ATP10B: variants seen among roughly 807,000 people sequenced by gnomAD.
ATP10B encodes ATPase phospholipid transporting 10B (putative).
A neutral mutation model predicts 141.2 loss-of-function variants in ATP10B; 122 were observed. The ratio of observed to expected loss-of-function variants is 0.86; its 90% CI spans 0.75 to 1.00. The LOEUF (loss-of-function observed/expected upper bound fraction) is 1.00. ATP10B is among the 50% of genes least tolerant of loss of function. The probability of loss-of-function intolerance (pLI) is 0.00; values close to 1 mark genes in which losing one functional copy is unlikely to be tolerated. For synonymous variants in ATP10B, 685 were observed against 692.0 expected, an observed-to-expected ratio of 0.99 and a Z score of 0.16; for missense variants, 1,876 against 1,825.3, an observed-to-expected ratio of 1.03 and a Z score of -0.51.
chr5:160,736,220 C>T (rs114484953), intron 2 of ATP10B, among the ~76,000 whole-genome samples: 1,611 of 151,998 alleles, frequency 0.011, 30 homozygotes, highest in African/African-American at 0.037. Context: ...ATGGAAAAAC[C>T]TTTAGCCAGA....
At chr5:160,902,396 T>C in the ATP10B span, among the ~76,000 whole-genome samples, 1 of 152,132 alleles carries the variant, frequency 6.6e-6, no homozygotes, top group Non-Finnish European at 1.5e-5. Flanking sequence ...AGAAACAAAC[T>C]CACTACTTTC....
chr5:160,702,124 A>G (rs913780623), intron 3 of ATP10B, among the ~76,000 whole-genome samples: 16 of 152,236 alleles, frequency 1.1e-4, no homozygotes, highest in African/African-American at 3.1e-4. Flanking sequence ...AGGTACAATG[A>G]CTGACAGACA....
At chr5:160,609,623 C>T (rs763476368) in intron 18 of ATP10B, among the ~76,000 whole-genome samples, 3 of 152,226 alleles carry the variant, frequency 2.0e-5, no homozygotes, top group Non-Finnish European at 4.4e-5. Context: ...AAGTGATCCA[C>T]GTGCCTTGGC....
At chr5:160,871,923 G>C in the ATP10B span, among the ~76,000 whole-genome samples, 3 of 152,102 alleles carry the variant, frequency 2.0e-5, no homozygotes, top group Admixed American at 2.0e-4. Context: ...CAGTGGGATT[G>C]CTGGGTCAAA....
At chr5:160,876,750 C>G in the ATP10B span, among the ~76,000 whole-genome samples, 14 of 151,164 alleles carry the variant, frequency 9.3e-5, no homozygotes, top group African/African-American at 1.9e-4. Context: ...GAGAATACTA[C>G]AAACACCTCT....
At chr5:160,649,301 T>C (rs1415641595) in intron 7 of ATP10B, 45 bp from the exon 8 acceptor site, 2 of 1,359,990 alleles carry the variant, frequency 1.5e-6, no homozygotes, top group Non-Finnish European at 1.1e-6. Context: ...CAGAGGGATC[T>C]AGTTTTAATA....
rs1465631894 is a variant in ATP10B, at chr5:160,596,826, C to A, written c.3564+1944G>T. Among the ~76,000 whole-genome samples, 3 of 152,130 alleles carry A rather than the reference C, an allele frequency of 2.0e-5. No individual in the cohort carries two copies. The East Asian group carries it at 5.8e-4, about 29-fold the overall frequency. On this transcript the variant is annotated intron_variant, in intron 22 of 25. Transcript: ENST00000327245. Reference sequence around the variant, plus strand: ...AAAGAGAATAAAATACCTAGGAATCCAACTTACAAGGGACGTGAAGGACCT... The same window carrying A: ...AAAGAGAATAAAATACCTAGGAATCAAACTTACAAGGGACGTGAAGGACCT...
intron 24 of ATP10B, among the ~76,000 whole-genome samples, chr5:160,587,412 T>C (rs1006285742): frequency 4.6e-5 from 7 of 152,188 alleles, no homozygotes; most frequent in Non-Finnish European, 8.8e-5. Flanking sequence ...CTTGGGTATA[T>C]GAGCTCATTT....
chr5:160,747,987 T>C (rs1230846298), intron 2 of ATP10B, among the ~76,000 whole-genome samples: 4 of 114,496 alleles, frequency 3.5e-5, no homozygotes, highest in East Asian at 2.7e-4. Flanking sequence ...CAGCTGAGCA[T>C]TGAGAGAGAA....
chr5:160,869,667 T>C, the ATP10B span, among the ~76,000 whole-genome samples: 4 of 152,056 alleles, frequency 2.6e-5, no homozygotes, highest in African/African-American at 9.7e-5. Flanking sequence ...AGGCAAACCA[T>C]TGCCCCCAAG....
chr5:160,598,652 TG>T (rs1450294468), intron 22 of ATP10B, 117 bp downstream of exon 22: 132 of 854,560 alleles, frequency 1.5e-4, no homozygotes, highest in Non-Finnish European at 3.0e-5. Context: ...GATGGAACAG[TG>T]GTCAGAATGC....
rs80142806 is a variant in ATP10B, at chr5:160,751,279, A to G, written c.-330-34245T>C. On this transcript the variant is annotated intron_variant, in intron 2 of 25. Transcript: ENST00000327245. Reference sequence around the variant, plus strand: ...ATATGTCCCCAGCATCCCCAGGCTCATTGCTCCCCCTTTTTCTCTCTCTCA... The same window carrying G: ...ATATGTCCCCAGCATCCCCAGGCTCGTTGCTCCCCCTTTTTCTCTCTCTCA... 8.5e-3 allele frequency among the ~76,000 whole-genome samples: 1,298 copies of G among 152,204 alleles called. 17 individuals are homozygous for G. Among genetic ancestry groups the G allele is most frequent in the African/African-American group, 0.029 (1,225 of 41,540 alleles).
chr5:160,859,867 T>C, the ATP10B span, among the ~76,000 whole-genome samples: 1 of 151,958 alleles, frequency 6.6e-6, no homozygotes, highest in Admixed American at 6.6e-5. Context: ...GGCCTATATG[T>C]GCATCTTTGT....
the ATP10B span, among the ~76,000 whole-genome samples, chr5:160,896,112 C>T: frequency 3.3e-5 from 5 of 151,952 alleles, no homozygotes; most frequent in East Asian, 9.6e-4. Context: ...CTAAAATTGA[C>T]ACCCTAACAT....
intron 2 of ATP10B, among the ~76,000 whole-genome samples, chr5:160,722,491 A>G (rs1766060659): frequency 6.6e-6 from 1 of 152,202 alleles, no homozygotes; most frequent in Admixed American, 6.5e-5. Flanking sequence ...GCTGCTCCCA[A>G]GAATTTGAAA....
chr5:160,683,537 T>A (rs1763560538), intron 6 of ATP10B, among the ~76,000 whole-genome samples: 1 of 152,232 alleles, frequency 6.6e-6, no homozygotes, highest in African/African-American at 2.4e-5. Flanking sequence ...GAACCCCTCC[T>A]TAGAAGTAAG....
chr5:160,655,194 A>C (rs774788530), intron 7 of ATP10B, among the ~76,000 whole-genome samples: 6 of 152,224 alleles, frequency 3.9e-5, no homozygotes, highest in Non-Finnish European at 5.9e-5. Flanking sequence ...GCACATTTGC[A>C]TCTTAAAGTA....
intron 7 of ATP10B, among the ~76,000 whole-genome samples, chr5:160,668,856 G>A (rs1273368119): frequency 6.6e-6 from 1 of 152,148 alleles, no homozygotes; most frequent in South Asian, 2.1e-4. Flanking sequence ...GGCTTCTGAG[G>A]ACCAAATCAA....
chr5:160,632,224 G>C lies in ATP10B; in HGVS notation c.1525C>G (p.Gln509Glu). Residue 509 changes from glutamine to glutamate, a missense_variant, in exon 13 of 26, where the codon CAG becomes GAG. By Grantham distance (29) the Gln-to-Glu change is conservative. Transcript: ENST00000327245. ...CCCTGGATGGGCACCCGGGCACTCT[G>C]GCTCCTCCTCAGAGGCTGAGCACCT... The part of the protein sequence containing the change: ...QKGAQPLRRS[Q>E]SARVPIQGHY... The C allele has an allele frequency of 6.2e-7, 1 of 1,614,180 alleles. No individual in the cohort carries two copies. Among genetic ancestry groups the C allele is most frequent in the Non-Finnish European group, 8.5e-7 (1 of 1,180,028 alleles).
Sources: allele counts gnomAD v4.1 joint callset (sites outside exome capture counted in the v4.1 genomes callset), GRCh38; gene constraint gnomAD v4.1.1; transcripts MANE v1.5; gene names NCBI Gene and HGNC (gene_info 2026-07-23, HGNC 2026-07-21).